The following DBH variants were observed in gnomAD, a reference collection of about 807,000 sequenced individuals.
DBH encodes dopamine beta-hydroxylase (dopamine beta-monooxygenase).
A neutral mutation model predicts 64.0 loss-of-function variants in DBH; 49 were observed. The ratio of observed to expected loss-of-function variants is 0.77; its 90% CI spans 0.61 to 0.97. DBH has a LOEUF of 0.97. Ranked by LOEUF, DBH falls within the 50% of genes least tolerant of loss-of-function variation. The pLI is 0.00. For missense variants in DBH, 828 were observed against 826.6 expected (o/e 1.00, Z -0.02); for synonymous variants, 343 against 347.1 (o/e 0.99, Z 0.13).
chr9:133,636,406 GC>G lies in DBH; in HGVS notation c.39del (p.Ser14AlafsTer130). On this transcript the variant is annotated frameshift_variant, in exon 1 of 12. Transcript: ENST00000393056. LOFTEE classifies it high-confidence loss of function. ...PALSRWASLP[G>X]PSMREAAFMY... is the part of the protein sequence containing the mutation. ...CTCAGTCGCTGGGCCAGCCTGCCCG[GC>G]CCCAGCATGCGGGAGGCAGCCTTCA... The G allele has an allele frequency of 1.2e-6, 2 of 1,611,758 alleles. No individual in the cohort carries two copies.
In DBH at chr9:133,639,994, T is replaced by C; in HGVS notation, c.486+2T>C. The C allele has an allele frequency of 6.2e-7, 1 of 1,613,832 alleles. No homozygotes were observed. Among genetic ancestry groups the C allele is most frequent in the South Asian group, 1.1e-5 (1 of 91,064 alleles). ...GACCCCAAGGATTACCTCATTGAAG[T>C]AAGGGGTGGCCGCGAGTACCCAGGA... On this transcript the variant is annotated splice_donor_variant, in intron 2 of 11. Transcript: ENST00000393056. LOFTEE classifies it high-confidence loss of function.
intron 5 of DBH, among the ~76,000 whole-genome samples, chr9:133,647,160 G>A (rs1415760486): frequency 6.6e-6 from 1 of 152,198 alleles, no homozygotes; most frequent in Non-Finnish European, 1.5e-5. Context: ...TTGTTCCTGA[G>A]ATGTCAGCTT....
At chr9:133,651,929 G>GCTCC in intron 7 of DBH, 152 bp downstream of exon 7, 1 of 820,490 alleles carries the variant, frequency 1.2e-6, no homozygotes, top group Admixed American at 2.1e-5. Context: ...TGTGGCCTGT[G>GCTCC]CTCCCCACTT....
intron 11 of DBH, among the ~76,000 whole-genome samples, chr9:133,657,816 G>A (rs1832355162): frequency 6.6e-6 from 1 of 152,158 alleles, no homozygotes; most frequent in Non-Finnish European, 1.5e-5. Flanking sequence ...GTAAGGTGCC[G>A]CAGCCTGGAG....
rs1001680787 is a variant in DBH, at chr9:133,650,667, C to T, written c.1192-967C>T. Among the ~76,000 whole-genome samples the T allele has an allele frequency of 2.0e-5, 3 of 151,594 alleles. No homozygotes were observed. The South Asian group carries it at 6.3e-4, about 32-fold the overall frequency. On this transcript the variant is annotated intron_variant, in intron 6 of 11. Coordinates refer to ENST00000393056, the MANE Select transcript of DBH (RefSeq NM_000787.4). ...GGTTCAAGTGATTCTCCTGTCTCAG[C>T]CTCCTGAGTAGCTGGGATTACAGGC... is the stretch of plus-strand genomic sequence containing the variant.
intron 2 of DBH, 22 bp downstream of exon 2, chr9:133,640,014 C>T (rs1832099944): frequency 5.0e-6 from 8 of 1,613,644 alleles, no homozygotes; most frequent in Non-Finnish European, 6.8e-6. Flanking sequence ...CCGCGAGTAC[C>T]CAGGAGGGCG....
rs754723624 is a variant in DBH, at chr9:133,657,232, GC to G, written c.1722+4del. 14 of 1,613,640 alleles carry G rather than the reference GC, an allele frequency of 8.7e-6. No homozygotes were observed. The highest frequency in any genetic ancestry group is 1.3e-5 in the African/African-American group (1 of 74,958). ...AGTCCTCAGCCGTCCGCTTCCAGGT[GC>G]GCTGCCATGGGCCCGGGTGGGGCAT... On this transcript the variant is annotated splice_donor_region_variant and intron_variant, in intron 11 of 11. Transcript: ENST00000393056.
At chr9:133,657,812 T>G (rs1416041698) in intron 11 of DBH, among the ~76,000 whole-genome samples, 1 of 152,126 alleles carries the variant, frequency 6.6e-6, no homozygotes, top group Non-Finnish European at 1.5e-5. Context: ...TCGCGTAAGG[T>G]GCCGCAGCCT....
At chr9:133,648,674 C>T (rs928776484) in intron 6 of DBH, among the ~76,000 whole-genome samples, 2 of 152,212 alleles carry the variant, frequency 1.3e-5, no homozygotes, top group Admixed American at 1.3e-4. Context: ...GGGCTATGCA[C>T]GCTGGGTGGA....
At chr9:133,648,652 C>T (rs1488388723) in intron 6 of DBH, among the ~76,000 whole-genome samples, 2 of 152,236 alleles carry the variant, frequency 1.3e-5, no homozygotes, top group South Asian at 2.1e-4. Flanking sequence ...TCTCAGGGAG[C>T]ACCCGTCCTC....
Position 133,636,507 on chromosome 9 carries a change from C to A in DBH, c.136C>A (p.Pro46Thr), listed in dbSNP as rs1028535785. Residue 46 changes from proline to threonine, a missense_variant, in exon 1 of 12, where the codon CCC becomes ACC. Physicochemically the swap from Pro to Thr is conservative, Grantham distance 38 (BLOSUM62 -1). Transcript: ENST00000393056. ...ALQGSAPRES[P>T]LPYHIPLDPE... Reference sequence around the variant, plus strand: ...GCAGGGCTCGGCTCCCCGTGAGAGCCCCCTCCCCTATCACATCCCCCTGGA... The same window carrying A: ...GCAGGGCTCGGCTCCCCGTGAGAGCACCCTCCCCTATCACATCCCCCTGGA... The A allele has an allele frequency of 1.2e-6, 2 of 1,613,402 alleles. No individual in the cohort carries two copies. Among genetic ancestry groups the A allele is most frequent in the South Asian group, 1.1e-5 (1 of 91,090 alleles).
chr9:133,639,319 CCTG>C (rs886401345), intron 1 of DBH, among the ~76,000 whole-genome samples: 5 of 152,064 alleles, frequency 3.3e-5, no homozygotes, highest in African/African-American at 4.8e-5. Context: ...AGGGTGGGCA[CCTG>C]CTATCAATCA....
chr9:133,653,610 G>A (rs1832277422), intron 9 of DBH, among the ~76,000 whole-genome samples: 1 of 152,152 alleles, frequency 6.6e-6, no homozygotes, highest in African/African-American at 2.4e-5. Flanking sequence ...ACATTCTCAG[G>A]ATGGAAAGGA....
In DBH at chr9:133,656,665, C is replaced by T. The variant is rs1487356131; in HGVS notation, c.1562+15C>T. On this transcript the variant is annotated intron_variant, in intron 10 of 11. Coordinates refer to ENST00000393056, the MANE Select transcript of DBH (RefSeq NM_000787.4). ...CTCATCAACAGGTGAGGGCTCCCTG[C>T]ACAAGCTCCCTGCCCCCAGGGAACC... 2.5e-6 allele frequency: 4 copies of T among 1,610,796 alleles called. No individual in the cohort carries two copies. Among genetic ancestry groups the T allele is most frequent in the East Asian group, 2.2e-5 (1 of 44,876 alleles).
chr9:133,653,488 T>C (rs74565558), intron 9 of DBH, among the ~76,000 whole-genome samples: 10,029 of 152,108 alleles, frequency 0.066, 1,068 homozygotes, highest in African/African-American at 0.23. Context: ...TGCGGGGACC[T>C]GGGAGGGCCT....
At chr9:133,642,928 C>T (rs1302312750) in intron 3 of DBH, among the ~76,000 whole-genome samples, 1 of 152,156 alleles carries the variant, frequency 6.6e-6, no homozygotes. Context: ...ATAAGAGCCC[C>T]TAGTTTCCAG....
chr9:133,650,175 C>G (rs2283123), intron 6 of DBH, among the ~76,000 whole-genome samples: 21 of 152,098 alleles, frequency 1.4e-4, no homozygotes, highest in African/African-American at 4.3e-4. Flanking sequence ...GCCTCTCAAG[C>G]CATTGCAAGG....
In DBH at chr9:133,659,013, A is replaced by G. The variant is rs536653862; in HGVS notation, c.*566A>G. The G allele has an allele frequency of 6.6e-6, 1 of 152,154 alleles. No individual in the cohort carries two copies. The highest frequency in any genetic ancestry group is 1.5e-5 in the Non-Finnish European group (1 of 67,924). The allele number at this position is 152,154 out of a possible 1,614,324, so 9.4% of individuals were successfully genotyped here. The stretch of plus-strand genomic sequence containing the variant: ...AATTGCTCCATTCCTGAGTAAACAG[A>G]TATTTTCGCCCACCTAAAGGGAAGC... On this transcript the variant is annotated 3_prime_UTR_variant, in exon 12 of 12. Transcript: ENST00000393056.
At chr9:133,657,399 A>C in intron 11 of DBH, 170 bp downstream of exon 11, 1 of 534,254 alleles carries the variant, frequency 1.9e-6, no homozygotes, top group Non-Finnish European at 3.3e-6. Context: ...GCCAGCCAGC[A>C]GAGAGAGAGG....
Sources: allele counts gnomAD v4.1 joint callset (sites outside exome capture counted in the v4.1 genomes callset), GRCh38; gene constraint gnomAD v4.1.1; transcripts MANE v1.5; gene names NCBI Gene and HGNC (gene_info 2026-07-23, HGNC 2026-07-21).